The following CACNB4 variants were observed in gnomAD, a reference collection of about 807,000 sequenced individuals.
The protein encoded by CACNB4 is calcium voltage-gated channel auxiliary subunit beta 4.
A neutral mutation model predicts 71.2 loss-of-function variants in CACNB4; 32 were observed. The observed-to-expected ratio is 0.45, with a 90% CI of 0.34 to 0.60. The LOEUF (loss-of-function observed/expected upper bound fraction) is 0.60, where lower values mean the gene tolerates loss of function less well. Among genes scored for constraint, CACNB4 ranks in the 20% least tolerant of loss-of-function variants. The pLI, the probability that CACNB4 is intolerant of heterozygous loss-of-function variation, is 0.01. For synonymous variants in CACNB4, 231 were observed against 236.9 expected (o/e 0.97, Z 0.23); for missense variants, 464 against 647.9 (o/e 0.72, Z 3.08).
intron 2 of CACNB4, among the ~76,000 whole-genome samples, chr2:151,910,972 C>T (rs1334562548): frequency 1.3e-5 from 2 of 152,092 alleles, no homozygotes; most frequent in African/African-American, 4.8e-5. Context: ...TGTCTTATTT[C>T]CTTAAGCAGT....
At chr2:151,946,589 T>C (rs1430713458) in intron 2 of CACNB4, among the ~76,000 whole-genome samples, 1 of 152,144 alleles carries the variant, frequency 6.6e-6, no homozygotes, top group Non-Finnish European at 1.5e-5. Flanking sequence ...TTAGCAAAAT[T>C]CTGAGAACGT....
intron 2 of CACNB4, among the ~76,000 whole-genome samples, chr2:152,069,095 T>C (rs1474914289): frequency 6.6e-6 from 1 of 152,180 alleles, no homozygotes. Flanking sequence ...GGGGAACAGA[T>C]GCCGGTGAAT....
At chr2:151,845,224 C>T (rs2099837259) in intron 12 of CACNB4, among the ~76,000 whole-genome samples, 1 of 152,212 alleles carries the variant, frequency 6.6e-6, no homozygotes, top group South Asian at 2.1e-4. Context: ...ATGGTATAAG[C>T]CTCAGTCATT....
chr2:151,898,272 C>T lies in CACNB4; in HGVS notation c.148-14902G>A, dbSNP rs558143997. Among the ~76,000 whole-genome samples, 3 of 152,324 alleles carry T rather than the reference C, an allele frequency of 2.0e-5. No individual in the cohort carries two copies. In the East Asian group the frequency reaches 5.8e-4, roughly 29 times the overall value. On this transcript the variant is annotated intron_variant, in intron 2 of 13. Coordinates refer to ENST00000539935, the MANE Select transcript of CACNB4 (RefSeq NM_000726.5). ...CTGCTGTCTCCTCTGGGCTGCGTGG[C>T]TCTGAACTCGCATCAGCTGGGATGG... is the stretch of plus-strand genomic sequence containing the variant.
chr2:152,026,022 G>A (rs987080573), intron 2 of CACNB4, among the ~76,000 whole-genome samples: 6 of 152,188 alleles, frequency 3.9e-5, no homozygotes, highest in African/African-American at 1.2e-4. Flanking sequence ...TGCAGGTGCT[G>A]ATGCAGCCGA....
intron 2 of CACNB4, among the ~76,000 whole-genome samples, chr2:151,994,219 GA>G (rs1457060732): frequency 6.6e-6 from 1 of 151,250 alleles, no homozygotes; most frequent in Non-Finnish European, 1.5e-5. Context: ...CTGGAATCCA[GA>G]AAAAAAGGGT....
At chr2:152,069,503 CTTT>C (rs34430081) in intron 2 of CACNB4, among the ~76,000 whole-genome samples, 25 of 128,890 alleles carry the variant, frequency 1.9e-4, no homozygotes, top group African/African-American at 5.1e-4. Flanking sequence ...AAGAACACGC[CTTT>C]TTTTTTTTTT....
At chr2:151,921,941 C>T (rs539304405) in intron 2 of CACNB4, among the ~76,000 whole-genome samples, 1 of 152,314 alleles carries the variant, frequency 6.6e-6, no homozygotes, top group East Asian at 1.9e-4. Context: ...TCCTGTACAG[C>T]CTTCAGAACT....
rs559580656 is a variant in CACNB4, at chr2:151,835,411, T to G, written c.*3708A>C. The G allele has an allele frequency of 6.6e-6, 1 of 151,976 alleles. No homozygotes were observed. Among genetic ancestry groups the G allele is most frequent in the African/African-American group, 2.4e-5 (1 of 41,556 alleles). 9.4% of individuals were successfully genotyped at this position (151,976 alleles called of 1,614,324 possible). A position where few individuals can be genotyped will look rare whatever the true frequency, so the allele number is the denominator to read the frequency against. On this transcript the variant is annotated 3_prime_UTR_variant, in exon 14 of 14. Coordinates refer to ENST00000539935, the MANE Select transcript of CACNB4 (RefSeq NM_000726.5). ...CAAGGTTAGCCAGAATAGTGATAAT[T>G]TTGATCACTACTTATTGACCAGTGT...
intron 2 of CACNB4, among the ~76,000 whole-genome samples, chr2:152,008,067 G>C (rs1232710576): frequency 6.6e-6 from 1 of 151,894 alleles, no homozygotes; most frequent in African/African-American, 2.4e-5. Flanking sequence ...ACCATGCCCT[G>C]CCAATTCTAC....
chr2:151,995,378 C>T (rs996289113), intron 2 of CACNB4, among the ~76,000 whole-genome samples: 1 of 152,108 alleles, frequency 6.6e-6, no homozygotes, highest in African/African-American at 2.4e-5. Flanking sequence ...CAGTCATGTG[C>T]TTAGCACAAA....
chr2:151,995,116 A>G (rs1464843530), intron 2 of CACNB4, among the ~76,000 whole-genome samples: 1 of 152,238 alleles, frequency 6.6e-6, no homozygotes, highest in Non-Finnish European at 1.5e-5. Context: ...TGGCCTACTC[A>G]GTTGGCAAAT....
At chr2:151,856,151 GTT>G (rs59011015) in intron 10 of CACNB4, among the ~76,000 whole-genome samples, 4 of 140,864 alleles carry the variant, frequency 2.8e-5, no homozygotes, top group African/African-American at 1.0e-4. Flanking sequence ...AAGCAATCCA[GTT>G]TTTTTTTTTT....
At chr2:151,902,728 T>C (rs2099853797) in intron 2 of CACNB4, among the ~76,000 whole-genome samples, 2 of 152,244 alleles carry the variant, frequency 1.3e-5, no homozygotes, top group Non-Finnish European at 2.9e-5. Flanking sequence ...GTTACTAACT[T>C]TTTTGTGGCT....
At chr2:151,845,699 C>T (rs760938210) in intron 12 of CACNB4, among the ~76,000 whole-genome samples, 3 of 152,190 alleles carry the variant, frequency 2.0e-5, no homozygotes, top group Admixed American at 6.5e-5. Flanking sequence ...GATACCATGC[C>T]CTTGGTGCAG....
intron 2 of CACNB4, among the ~76,000 whole-genome samples, chr2:152,056,739 C>A (rs1040231241): frequency 3.3e-5 from 5 of 152,202 alleles, no homozygotes; most frequent in African/African-American, 1.2e-4. Flanking sequence ...CACAACTCCA[C>A]ATCCTGTGGA....
At chr2:151,847,752 G>A (rs1308519396) in intron 12 of CACNB4, among the ~76,000 whole-genome samples, 2 of 152,144 alleles carry the variant, frequency 1.3e-5, no homozygotes, top group African/African-American at 4.8e-5. Flanking sequence ...TGGGTGTGGT[G>A]GCACATGCCT....
At chr2:151,868,304 A>G (rs1384393769) in intron 9 of CACNB4, 1 of 152,172 alleles carries the variant, frequency 6.6e-6, no homozygotes, top group Non-Finnish European at 1.5e-5. Context: ...TTTTTCTTCA[A>G]TCCTACAGTA....
intron 2 of CACNB4, among the ~76,000 whole-genome samples, chr2:151,910,695 T>C (rs10930834): frequency 0.95 from 144,937 of 152,268 alleles, 69,392 homozygotes; most frequent in East Asian, 1. Flanking sequence ...GTTTTGGTTA[T>C]TGTAGCCTTG....
Sources: allele counts gnomAD v4.1 joint callset (sites outside exome capture counted in the v4.1 genomes callset), GRCh38; gene constraint gnomAD v4.1.1; transcripts MANE v1.5; gene names NCBI Gene and HGNC (gene_info 2026-07-23, HGNC 2026-07-21).